UPF1: variants seen among roughly 807,000 people sequenced by gnomAD.
UPF1 encodes the protein UPF1 RNA helicase and ATPase.
A neutral mutation model predicts 129.2 loss-of-function variants in UPF1; 9 were observed. That is an observed-to-expected ratio of 0.07 (90% CI 0.04 to 0.12). The LOEUF (loss-of-function observed/expected upper bound fraction) is 0.12, where lower values mean the gene tolerates loss of function less well. Among genes scored for constraint, UPF1 ranks in the 10% least tolerant of loss-of-function variants. The pLI, the probability that UPF1 is intolerant of heterozygous loss-of-function variation, is 1.00. For synonymous variants in UPF1, 649 were observed against 644.9 expected (o/e 1.01, Z -0.10); for missense variants, 788 against 1,525.3 (o/e 0.52, Z 8.05).
chr19:18,844,412 C>T (rs369035216), intron 1 of UPF1, among the ~76,000 whole-genome samples: 1 of 151,904 alleles, frequency 6.6e-6, no homozygotes, highest in East Asian at 1.9e-4. Flanking sequence ...CAACCTGCGC[C>T]TCCTGGGTTC....
chr19:18,849,966 C>T, intron 3 of UPF1, 109 bp from the exon 4 acceptor site: 1 of 1,409,316 alleles, frequency 7.1e-7, no homozygotes, highest in South Asian at 1.3e-5. Flanking sequence ...GTGACTGCCT[C>T]TGCTAATGGA....
chr19:18,840,524 CATG>C (rs1456532016), intron 1 of UPF1, among the ~76,000 whole-genome samples: 1 of 152,114 alleles, frequency 6.6e-6, no homozygotes, highest in Non-Finnish European at 1.5e-5. Flanking sequence ...TTGTGCTTGT[CATG>C]GTGGTGAGAG....
rs1034879786 is a variant in UPF1, at chr19:18,851,412, A to G, written c.810+544A>G. Among the ~76,000 whole-genome samples, 1 of 152,236 alleles carries G rather than the reference A, an allele frequency of 6.6e-6. No individual in the cohort carries two copies. On this transcript the variant is annotated intron_variant, in intron 5 of 23. Coordinates refer to ENST00000262803, the MANE Select transcript of UPF1 (RefSeq NM_002911.4). This position sits in a 1 kb window ranked among gnomAD's most constrained non-coding sequence, Gnocchi z 4.2. The stretch of plus-strand genomic sequence containing the variant: ...TTGTGATAAAGTAGTTCTAATAACT[A>G]GGCTAGAAGTTTTCATTTGCCTCCC...
At chr19:18,855,388 T>C in intron 11 of UPF1, 146 bp downstream of exon 11, 4 of 831,132 alleles carry the variant, frequency 4.8e-6, no homozygotes, top group Non-Finnish European at 7.3e-6. Flanking sequence ...CCGCTCTCTA[T>C]GTGACATTAT....
At chr19:18,840,517 T>C (rs2055530384) in intron 1 of UPF1, among the ~76,000 whole-genome samples, 1 of 151,968 alleles carries the variant, frequency 6.6e-6, no homozygotes, top group Non-Finnish European at 1.5e-5. Context: ...GGGCAGTTTG[T>C]GCTTGTCATG....
chr19:18,847,590 A>T (rs571886260), intron 2 of UPF1, among the ~76,000 whole-genome samples, 154 bp from the exon 3 acceptor site: 24 of 152,310 alleles, frequency 1.6e-4, no homozygotes, highest in African/African-American at 4.3e-4. Flanking sequence ...AGCCCTGGTT[A>T]ACTGGTTTGA....
At chr19:18,855,378 C>G (rs1284300254) in intron 11 of UPF1, 136 bp downstream of exon 11, 2 of 900,626 alleles carry the variant, frequency 2.2e-6, no homozygotes, top group Non-Finnish European at 3.3e-6. Context: ...ATGGTGCCTA[C>G]CGCTCTCTAT....
rs910513295 is a variant in UPF1 at position 18,832,533 on chromosome 19, C to T, written c.231+93C>T. ...GCCTCGGGCCCGGCCTGTGTTTGGC[C>T]GGAGTCCCCCATCGCGGCCGGGCCT... On this transcript the variant is annotated intron_variant, in intron 1 of 23. Coordinates refer to ENST00000262803, the MANE Select transcript of UPF1 (RefSeq NM_002911.4). The surrounding 1 kb of genome is among the most constrained non-coding windows in gnomAD (Gnocchi z 5.6). 7.6e-6 allele frequency: 7 copies of T among 919,298 alleles called. No homozygotes were observed. The African/African-American group carries it at 1.2e-4, about 16-fold the overall frequency. 56.9% of individuals were successfully genotyped at this position (919,298 alleles called of 1,614,324 possible). A position where few individuals can be genotyped will look rare whatever the true frequency, so the allele number is the denominator to read the frequency against.
chr19:18,846,918 C>G (rs1007583460), intron 2 of UPF1, among the ~76,000 whole-genome samples: 7 of 152,162 alleles, frequency 4.6e-5, no homozygotes, highest in Non-Finnish European at 1.0e-4. Context: ...GACATGAACC[C>G]GGGAGGCGGA....
Position 18,868,153 on chromosome 19 carries a change from C to T in UPF1, c.*1636C>T. On this transcript the variant is annotated 3_prime_UTR_variant, in exon 24 of 24. Coordinates refer to ENST00000262803, the MANE Select transcript of UPF1 (RefSeq NM_002911.4). ...CCTTGACAAACCCAGGCGCACTGTA[C>T]CAAGGCAATGTAACTTTTGATTTTC... The T allele has an allele frequency of 4.2e-6, 1 of 235,510 alleles. No homozygotes were observed. The highest frequency in any genetic ancestry group is 5.5e-5 in the South Asian group (1 of 18,156). 14.6% of individuals were successfully genotyped at this position (235,510 alleles called of 1,614,324 possible).
At chr19:18,847,454 G>A (rs1231752395) in intron 2 of UPF1, among the ~76,000 whole-genome samples, 1 of 152,228 alleles carries the variant, frequency 6.6e-6, no homozygotes, top group Non-Finnish European at 1.5e-5. Flanking sequence ...GCCAAAGAAC[G>A]GGGACTAGAA....
chr19:18,855,272 A>T (rs759875188), intron 11 of UPF1, 30 bp downstream of exon 11: 11 of 1,602,336 alleles, frequency 6.9e-6, no homozygotes, highest in Non-Finnish European at 8.5e-6. Flanking sequence ...TGCGGGCAAG[A>T]CCCGGGAGGG....
intron 1 of UPF1, among the ~76,000 whole-genome samples, chr19:18,843,588 G>A (rs1413427323): frequency 2.2e-5 from 3 of 137,278 alleles, no homozygotes; most frequent in Non-Finnish European, 4.6e-5. Context: ...GTGTGATCTC[G>A]GCTCACTGCA....
At position 18,851,297 on chromosome 19, in the gene UPF1, G is replaced by A. The variant is rs2055656681; in HGVS notation, c.810+429G>A. On this transcript the variant is annotated intron_variant, in intron 5 of 23. Coordinates refer to ENST00000262803, the MANE Select transcript of UPF1 (RefSeq NM_002911.4). This position sits in a 1 kb window ranked among gnomAD's most constrained non-coding sequence, Gnocchi z 4.2. Reference sequence around the variant, plus strand: ...ACAGAGGGGAGAGGAGAGGGTGCCGGGTCAAGTAGTGGGTGCCTGGCCCTC... The same window carrying A: ...ACAGAGGGGAGAGGAGAGGGTGCCGAGTCAAGTAGTGGGTGCCTGGCCCTC... Among the ~76,000 whole-genome samples the A allele has an allele frequency of 6.6e-6, 1 of 152,138 alleles. No individual in the cohort carries two copies. The highest frequency in any genetic ancestry group is 1.5e-5 in the Non-Finnish European group (1 of 68,028).
In UPF1 at chr19:18,832,207, A is replaced by G. The variant is rs1169495372; in HGVS notation, c.-3A>G. 1 of 1,539,196 alleles carries G rather than the reference A, an allele frequency of 6.5e-7. No homozygotes were observed. The highest frequency in any genetic ancestry group is 1.9e-5 in the Admixed American group (1 of 52,304). ...CGGCCCGAGGGCCCTACCCGGAGGC[A>G]CCATGAGCGTGGAGGCGTACGGGCC... On this transcript the variant is annotated 5_prime_UTR_variant, in exon 1 of 24. Coordinates refer to ENST00000262803, the MANE Select transcript of UPF1 (RefSeq NM_002911.4). The surrounding 1 kb of genome is among the most constrained non-coding windows in gnomAD (Gnocchi z 5.6).
At chr19:18,835,435 A>C (rs2055473753) in intron 1 of UPF1, among the ~76,000 whole-genome samples, 1 of 151,582 alleles carries the variant, frequency 6.6e-6, no homozygotes, top group African/African-American at 2.4e-5. Flanking sequence ...TGTGCCTCCC[A>C]GGTTCAAGCG....
Position 18,867,082 on chromosome 19 carries a change from A to G in UPF1, c.*565A>G, listed in dbSNP as rs1219826081. The G allele has an allele frequency of 6.6e-6, 1 of 152,608 alleles. No individual in the cohort carries two copies. The highest frequency in any genetic ancestry group is 2.4e-5 in the African/African-American group (1 of 41,472). 9.5% of individuals were successfully genotyped at this position (152,608 alleles called of 1,614,324 possible). On this transcript the variant is annotated 3_prime_UTR_variant, in exon 24 of 24. Transcript: ENST00000262803. ...TGGGTTTTTCTCTTTGTTTTTTTCA[A>G]GATTCTTTTAAAGGAGTACTGAAGA... is the stretch of plus-strand genomic sequence containing the variant.
rs1443738045 is a variant in UPF1 at position 18,867,183 on chromosome 19, ACAAG to A, written c.*668_*671del. 2 of 152,426 alleles carry A rather than the reference ACAAG, an allele frequency of 1.3e-5. No homozygotes were observed. The highest frequency in any genetic ancestry group is 2.9e-5 in the Non-Finnish European group (2 of 68,040). 9.4% of individuals were successfully genotyped at this position (152,426 alleles called of 1,614,324 possible). On this transcript the variant is annotated 3_prime_UTR_variant, in exon 24 of 24. Transcript: ENST00000262803. ...TGAGAAGCTTCCAGAAACAGTTTAA[ACAAG>A]CCAGCGCTACTGGAGAAGAGGAGCA...
chr19:18,857,992 C>A (rs1452244620), intron 15 of UPF1, among the ~76,000 whole-genome samples: 1 of 152,230 alleles, frequency 6.6e-6, no homozygotes. Flanking sequence ...GCTGGTGACC[C>A]CCTGGTGCTT....
Sources: allele counts gnomAD v4.1 joint callset (sites outside exome capture counted in the v4.1 genomes callset), GRCh38; gene constraint gnomAD v4.1.1; non-coding constraint Gnocchi (gnomAD v3.1); transcripts MANE v1.5; gene names NCBI Gene and HGNC (gene_info 2026-07-23, HGNC 2026-07-21).